PARD3B: variants seen among roughly 807,000 people sequenced by gnomAD.
PARD3B encodes partitioning defective 3 homolog B.
A neutral mutation model predicts 130.2 loss-of-function variants in PARD3B; 103 were observed. The ratio of observed to expected loss-of-function variants is 0.79; its 90% CI spans 0.67 to 0.93. The LOEUF (loss-of-function observed/expected upper bound fraction) is 0.93, where lower values mean the gene tolerates loss of function less well. Among genes scored for constraint, PARD3B ranks in the 40% least tolerant of loss-of-function variants. PARD3B has a pLI of 0.00. For synonymous variants in PARD3B, 583 were observed against 553.2 expected (o/e 1.05, Z -0.76); for missense variants, 1,609 against 1,499.2 (o/e 1.07, Z -1.21).
chr2:204,733,099 A>G (rs1404205697), intron 2 of PARD3B, among the ~76,000 whole-genome samples: 1 of 152,182 alleles, frequency 6.6e-6, no homozygotes, highest in Non-Finnish European at 1.5e-5. Context: ...AATCACCTCA[A>G]AAGGAAACAG....
At chr2:205,057,578 T>G (rs1398374415) in intron 4 of PARD3B, among the ~76,000 whole-genome samples, 1 of 140,792 alleles carries the variant, frequency 7.1e-6, no homozygotes, top group Non-Finnish European at 1.5e-5. Flanking sequence ...TGTATATGTG[T>G]ATGTGTATAC....
chr2:205,542,015 T>C (rs2052161881), intron 21 of PARD3B, among the ~76,000 whole-genome samples: 1 of 151,732 alleles, frequency 6.6e-6, no homozygotes, highest in Non-Finnish European at 1.5e-5. Flanking sequence ...TGATGGTTCA[T>C]GCCTATAATC....
chr2:205,018,260 C>T (rs1696309747), intron 3 of PARD3B, among the ~76,000 whole-genome samples: 1 of 152,152 alleles, frequency 6.6e-6, no homozygotes, highest in Non-Finnish European at 1.5e-5. Flanking sequence ...AAGGCATTCA[C>T]ACCCTGGTGT....
intron 2 of PARD3B, among the ~76,000 whole-genome samples, chr2:204,937,708 A>G (rs1217387833): frequency 1.3e-5 from 2 of 152,132 alleles, no homozygotes; most frequent in Non-Finnish European, 2.9e-5. Context: ...CATTATGCAT[A>G]TGGCTCCTCT....
intron 1 of PARD3B, among the ~76,000 whole-genome samples, chr2:204,588,431 C>T (rs1246284000): frequency 6.6e-6 from 1 of 152,134 alleles, no homozygotes; most frequent in Admixed American, 6.5e-5. Flanking sequence ...AGGAGCTTAC[C>T]ATCATTTAAT....
intron 4 of PARD3B, among the ~76,000 whole-genome samples, chr2:205,082,417 G>A (rs1701473896): frequency 6.6e-6 from 1 of 152,174 alleles, no homozygotes; most frequent in South Asian, 2.1e-4. Context: ...TGTGATAAAA[G>A]TCATGGAAAT....
At chr2:205,324,734 A>G (rs1290359699) in intron 18 of PARD3B, among the ~76,000 whole-genome samples, 2 of 151,994 alleles carry the variant, frequency 1.3e-5, no homozygotes, top group Non-Finnish European at 2.9e-5. Flanking sequence ...CTCTATACCC[A>G]GTCCTCCTCT....
At chr2:204,841,995 T>C (rs556211958) in intron 2 of PARD3B, among the ~76,000 whole-genome samples, 1 of 152,304 alleles carries the variant, frequency 6.6e-6, no homozygotes, top group East Asian at 1.9e-4. Context: ...TTCAGGTTGG[T>C]AATATTCCAG....
chr2:204,593,300 G>A (rs2033151754), intron 1 of PARD3B, among the ~76,000 whole-genome samples: 1 of 152,194 alleles, frequency 6.6e-6, no homozygotes, highest in Non-Finnish European at 1.5e-5. Flanking sequence ...CAGAATGGAA[G>A]AAATGCTTAT....
In PARD3B at chr2:205,590,368, A is replaced by G. The variant is rs2054341455; in HGVS notation, c.3261-25088A>G. Among the ~76,000 whole-genome samples the G allele has an allele frequency of 1.0e-5, 1 of 95,992 alleles. No homozygotes were observed. Among genetic ancestry groups the G allele is most frequent in the Non-Finnish European group, 2.2e-5 (1 of 46,344 alleles). 63.0% of individuals were successfully genotyped at this position (95,992 alleles called of 152,430 possible). On this transcript the variant is annotated intron_variant, in intron 22 of 22. Transcript: ENST00000406610. This position sits in a 1 kb window ranked among gnomAD's most constrained non-coding sequence, Gnocchi z 4.1. Reference sequence around the variant, plus strand: ...TGGTGGCAAGATGGCTGCCCACAGCATCAGGCTTACTTCCCCCTCTTCTCA... The same window carrying G: ...TGGTGGCAAGATGGCTGCCCACAGCGTCAGGCTTACTTCCCCCTCTTCTCA...
intron 4 of PARD3B, among the ~76,000 whole-genome samples, chr2:205,087,162 A>C (rs1452949475): frequency 6.6e-6 from 1 of 152,208 alleles, no homozygotes; most frequent in Non-Finnish European, 1.5e-5. Flanking sequence ...GTCTGAACTT[A>C]AAAGTACATC....
Position 205,291,455 on chromosome 2 carries a change from C to T in PARD3B, c.2186-9075C>T, listed in dbSNP as rs893560784. On this transcript the variant is annotated intron_variant, in intron 16 of 22. Transcript: ENST00000406610. This position sits in a 1 kb window ranked among gnomAD's most constrained non-coding sequence, Gnocchi z 4.6. ...TTATTCACGGAAACTGGAGAAAAGA[C>T]CATCCTCGATATAAAGTAGCAAAGA... Among the ~76,000 whole-genome samples the T allele has an allele frequency of 6.6e-6, 1 of 152,256 alleles. No individual in the cohort carries two copies. The highest frequency in any genetic ancestry group is 1.9e-4 in the East Asian group (1 of 5,180).
intron 2 of PARD3B, among the ~76,000 whole-genome samples, chr2:204,754,029 C>G (rs1476950375): frequency 6.6e-6 from 1 of 152,160 alleles, no homozygotes; most frequent in African/African-American, 2.4e-5. Flanking sequence ...CTGGCTGATG[C>G]AAGTGTCTGT....
chr2:205,227,918 C>T (rs2038645076), intron 15 of PARD3B, among the ~76,000 whole-genome samples: 1 of 152,080 alleles, frequency 6.6e-6, no homozygotes, highest in African/African-American at 2.4e-5. Context: ...CTATTTTAAA[C>T]TGATGACAAC....
intron 1 of PARD3B, among the ~76,000 whole-genome samples, chr2:204,560,150 C>T (rs1325275711): frequency 2.2e-4 from 33 of 152,126 alleles, no homozygotes. Context: ...AATGAGCCTG[C>T]ATGTTGTGCA....
At chr2:204,603,917 T>G (rs1285851636) in intron 1 of PARD3B, among the ~76,000 whole-genome samples, 21 of 152,234 alleles carry the variant, frequency 1.4e-4, no homozygotes, top group Admixed American at 1.4e-3. Flanking sequence ...TGATATTATC[T>G]GGTTCATCCA....
intron 2 of PARD3B, among the ~76,000 whole-genome samples, chr2:204,941,948 C>A (rs1014331579): frequency 5.9e-5 from 9 of 152,034 alleles, no homozygotes; most frequent in Admixed American, 5.9e-4. Flanking sequence ...CTTAGTCATT[C>A]CTAAATTCAT....
At chr2:204,746,228 A>G (rs1574876309) in intron 2 of PARD3B, among the ~76,000 whole-genome samples, 3 of 146,036 alleles carry the variant, frequency 2.1e-5, no homozygotes. Context: ...GAGAACATGC[A>G]GTGTTTGTTT....
intron 22 of PARD3B, among the ~76,000 whole-genome samples, chr2:205,554,808 A>T (rs2106501760): frequency 6.6e-6 from 1 of 152,364 alleles, no homozygotes; most frequent in South Asian, 2.1e-4. Flanking sequence ...TCAGTATTAT[A>T]AGTAATCTAG....
Sources: gnomAD v4.1 joint callset for allele counts (sites outside exome capture counted in the v4.1 genomes callset) on GRCh38, gnomAD v4.1.1 for gene constraint, Gnocchi (gnomAD v3.1) non-coding constraint, MANE v1.5 for transcripts, NCBI Gene and HGNC (gene_info 2026-07-23, HGNC 2026-07-21) for gene names.